Variants in PIK3AP1 observed in about 807,000 individuals in gnomAD.
PIK3AP1 encodes phosphoinositide-3-kinase adaptor protein 1, also known as phosphoinositide 3-kinase adapter protein 1.
In PIK3AP1, 21 loss-of-function variants were observed where a neutral mutation model predicts 88.1. The observed-to-expected ratio is 0.24, with a 90% confidence interval of 0.17 to 0.34. The LOEUF (loss-of-function observed/expected upper bound fraction) is 0.34. Ranked by LOEUF, PIK3AP1 falls within the 10% of genes least tolerant of loss-of-function variation. PIK3AP1 has a pLI of 1.00. For missense variants in PIK3AP1, 828 were observed against 1,035.7 expected (o/e 0.80, Z 2.75); for synonymous variants, 398 against 400.0 (o/e 1.00, Z 0.06).
chr10:96,606,124 T>A (rs1034679346), intron 14 of PIK3AP1, among the ~76,000 whole-genome samples: 15 of 152,106 alleles, frequency 9.9e-5, no homozygotes, highest in African/African-American at 3.6e-4. Flanking sequence ...TGATCCTGTC[T>A]CTTTCTACTC....
At chr10:96,688,442 A>G (rs936469856) in intron 2 of PIK3AP1, among the ~76,000 whole-genome samples, 7 of 152,220 alleles carry the variant, frequency 4.6e-5, no homozygotes, top group African/African-American at 1.4e-4. Context: ...TTCTAAAATT[A>G]ATTTTCTAAT....
intron 2 of PIK3AP1, among the ~76,000 whole-genome samples, chr10:96,701,991 G>C (rs1844303908): frequency 6.6e-6 from 1 of 152,100 alleles, no homozygotes. Flanking sequence ...AGAAAATCTT[G>C]CCATTTGTGA....
chr10:96,709,628 C>T lies in PIK3AP1; in HGVS notation c.369G>A (p.Glu123=), dbSNP rs1011690362. ...TCTCTGGCTCATCGTCACAGGTGAG[C>T]TCCTGCCAATGGGCCCAATCTGGAA... ...DFFPDWAHWQ[E]LTCDDEPETY... Residue 123 remains glutamate (E), a synonymous_variant, in exon 2 of 17, where the codon GAG becomes GAA. Coordinates refer to ENST00000339364, the MANE Select transcript of PIK3AP1 (RefSeq NM_152309.3). 6.2e-7 allele frequency: 1 copy of T among 1,614,068 alleles called. No individual in the cohort carries two copies.
intron 8 of PIK3AP1, chr10:96,632,763 TG>T: frequency 8.4e-7 from 1 of 1,197,332 alleles, no homozygotes; most frequent in Non-Finnish European, 1.2e-6. Flanking sequence ...ATTAGAAGCG[TG>T]GGCATTAGGA....
intron 4 of PIK3AP1, 91 bp downstream of exon 4, chr10:96,652,607 G>T: frequency 1.4e-6 from 2 of 1,442,784 alleles, no homozygotes; most frequent in Non-Finnish European, 1.9e-6. Flanking sequence ...ACATATTTAA[G>T]ATGATAATAC....
chr10:96,639,904 A>G (rs1408952733), intron 8 of PIK3AP1, among the ~76,000 whole-genome samples: 1 of 152,220 alleles, frequency 6.6e-6, no homozygotes, highest in Non-Finnish European at 1.5e-5. Context: ...TCAGACCTAC[A>G]GGGCTGGGCT....
chr10:96,699,266 T>A (rs1426976670), intron 2 of PIK3AP1, among the ~76,000 whole-genome samples: 1 of 152,236 alleles, frequency 6.6e-6, no homozygotes, highest in Admixed American at 6.5e-5. Flanking sequence ...TGAGCTTCAC[T>A]GTCCAATATG....
chr10:96,612,269 C>G (rs977118839), intron 13 of PIK3AP1, among the ~76,000 whole-genome samples: 2 of 152,152 alleles, frequency 1.3e-5, no homozygotes, highest in African/African-American at 2.4e-5. Context: ...TCTCACCAGC[C>G]CTTCTCTAAT....
chr10:96,676,460 T>C (rs935532265), intron 2 of PIK3AP1, among the ~76,000 whole-genome samples: 1 of 152,022 alleles, frequency 6.6e-6, no homozygotes, highest in African/African-American at 2.4e-5. Context: ...TGGCCCCAAC[T>C]GAGCCAGCTC....
At chr10:96,663,447 T>C (rs1013302200) in intron 2 of PIK3AP1, among the ~76,000 whole-genome samples, 3 of 151,464 alleles carry the variant, frequency 2.0e-5, no homozygotes, top group African/African-American at 7.3e-5. Flanking sequence ...CTGGCCAACA[T>C]GGTGAAACTC....
At chr10:96,666,174 C>T (rs1564976953) in intron 2 of PIK3AP1, among the ~76,000 whole-genome samples, 1 of 152,142 alleles carries the variant, frequency 6.6e-6, no homozygotes, top group Non-Finnish European at 1.5e-5. Flanking sequence ...AATCCCAGCA[C>T]TTTGGGAGGC....
chr10:96,711,673 C>T (rs1259487348), intron 1 of PIK3AP1, among the ~76,000 whole-genome samples: 2 of 150,262 alleles, frequency 1.3e-5, no homozygotes, highest in Admixed American at 1.3e-4. Context: ...TATATTCAAA[C>T]CAAAAAGCAA....
intron 2 of PIK3AP1, among the ~76,000 whole-genome samples, chr10:96,679,137 C>T (rs539682824): frequency 2.0e-5 from 3 of 152,318 alleles, no homozygotes; most frequent in African/African-American, 7.2e-5. Flanking sequence ...GCAAATTACA[C>T]TCAAGGATTT....
intron 2 of PIK3AP1, among the ~76,000 whole-genome samples, chr10:96,701,236 G>A (rs908928776): frequency 3.9e-5 from 6 of 152,206 alleles, no homozygotes; most frequent in East Asian, 3.9e-4. Flanking sequence ...TCAGGGAAGC[G>A]TCATTTTCTC....
At chr10:96,625,444 C>T (rs1286333730) in intron 10 of PIK3AP1, among the ~76,000 whole-genome samples, 1 of 152,242 alleles carries the variant, frequency 6.6e-6, no homozygotes, top group Non-Finnish European at 1.5e-5. Flanking sequence ...GCCACAAGCA[C>T]TGACAGCACC....
intron 14 of PIK3AP1, among the ~76,000 whole-genome samples, chr10:96,604,344 A>ATTTTTTTTTTTTTTTTTTTTTTT (rs66487275): frequency 1.3e-5 from 1 of 77,126 alleles, no homozygotes; most frequent in Non-Finnish European, 2.4e-5. Flanking sequence ...CACCTAGCCA[A>ATTTTTTTTTTTTTTTTTTTTTTT]TTTTTTTTTT....
chr10:96,619,052 A>C (rs1005857811), intron 12 of PIK3AP1, among the ~76,000 whole-genome samples: 1 of 152,222 alleles, frequency 6.6e-6, no homozygotes, highest in East Asian at 1.9e-4. Context: ...CTGGGGTGAG[A>C]AAGGGGAGGT....
intron 2 of PIK3AP1, among the ~76,000 whole-genome samples, chr10:96,689,920 GC>G (rs1844128948): frequency 6.6e-6 from 1 of 152,140 alleles, no homozygotes; most frequent in African/African-American, 2.4e-5. Context: ...GCAGCCACGT[GC>G]CCAGGATCCA....
intron 1 of PIK3AP1, among the ~76,000 whole-genome samples, chr10:96,713,799 C>G (rs1844468691): frequency 6.6e-6 from 1 of 152,126 alleles, no homozygotes; most frequent in South Asian, 2.1e-4. Context: ...CTCATTTCCC[C>G]CTGGATCCTG....
Sources: allele counts gnomAD v4.1 joint callset (sites outside exome capture counted in the v4.1 genomes callset), GRCh38; gene constraint gnomAD v4.1.1; transcripts MANE v1.5; gene names NCBI Gene and HGNC (gene_info 2026-07-23, HGNC 2026-07-21).